Variants in ODAD2 observed in about 807,000 individuals in gnomAD.
The protein encoded by ODAD2 is outer dynein arm-docking complex subunit 2.
In ODAD2, 89 loss-of-function variants were observed where a neutral mutation model predicts 106.8. The observed-to-expected ratio is 0.83, with a 90% CI of 0.70 to 0.99. ODAD2 has a LOEUF of 0.99. Ranked by LOEUF, ODAD2 falls within the 50% of genes least tolerant of loss-of-function variation. The probability of loss-of-function intolerance (pLI) is 0.00; values close to 1 mark genes in which losing one functional copy is unlikely to be tolerated. For synonymous variants in ODAD2, 404 were observed against 436.2 expected (o/e 0.93, Z 0.92); for missense variants, 1,168 against 1,238.5 (o/e 0.94, Z 0.85).
intron 17 of ODAD2, among the ~76,000 whole-genome samples, chr10:27,892,035 T>C (rs1020804430): frequency 6.6e-6 from 1 of 152,088 alleles, no homozygotes; most frequent in Non-Finnish European, 1.5e-5. Flanking sequence ...TCAACTACCC[T>C]TTTTCTCCAA....
At chr10:27,890,683 G>A (rs1231638504) in intron 17 of ODAD2, among the ~76,000 whole-genome samples, 1 of 151,760 alleles carries the variant, frequency 6.6e-6, no homozygotes, top group Non-Finnish European at 1.5e-5. Context: ...TGATTCTTTC[G>A]GCTGTGCTCT....
intron 19 of ODAD2, among the ~76,000 whole-genome samples, chr10:27,825,050 C>A (rs1293391113): frequency 1.3e-5 from 2 of 152,176 alleles, no homozygotes; most frequent in Non-Finnish European, 2.9e-5. Flanking sequence ...TTATTTCCCA[C>A]AGCCTCCCCT....
At position 27,819,019 on chromosome 10, in the gene ODAD2, TG is replaced by T. The variant is rs553368492; in HGVS notation, c.3022-6395del. The stretch of plus-strand genomic sequence containing the variant: ...TATGTGTAAAGGGATCACATACCTC[TG>T]GGGGTCACTGCAAAGATGAATTAAA... On this transcript the variant is annotated intron_variant, in intron 19 of 19. Coordinates refer to ENST00000305242, the MANE Select transcript of ODAD2 (RefSeq NM_018076.5). Among the ~76,000 whole-genome samples the T allele has an allele frequency of 1.3e-4, 20 of 152,322 alleles. No homozygotes were observed. The East Asian group carries it at 3.7e-3, about 28-fold the overall frequency.
At chr10:27,957,589 G>C (rs774713884) in intron 10 of ODAD2, 26 of 152,220 alleles carry the variant, frequency 1.7e-4, no homozygotes, top group Non-Finnish European at 3.1e-4. Context: ...TCACCTATGG[G>C]GGAGAAAAGA....
At chr10:27,902,686 T>C (rs1245342428) in intron 17 of ODAD2, among the ~76,000 whole-genome samples, 1 of 152,004 alleles carries the variant, frequency 6.6e-6, no homozygotes, top group African/African-American at 2.4e-5. Context: ...ACAAATAAAC[T>C]AGAAAATCGA....
At chr10:27,858,086 C>T (rs920468866) in intron 19 of ODAD2, among the ~76,000 whole-genome samples, 7 of 152,184 alleles carry the variant, frequency 4.6e-5, no homozygotes, top group South Asian at 2.1e-4. Flanking sequence ...TTACCTGGCT[C>T]GTGAAATCTT....
At chr10:27,928,547 C>T (rs117806824) in intron 16 of ODAD2, among the ~76,000 whole-genome samples, 1 of 152,068 alleles carries the variant, frequency 6.6e-6, no homozygotes, top group Non-Finnish European at 1.5e-5. Context: ...TGCCTGTTCA[C>T]TTATCTATGA....
intron 18 of ODAD2, 122 bp downstream of exon 18, chr10:27,862,312 C>G: frequency 1.6e-6 from 1 of 639,648 alleles, no homozygotes; most frequent in Non-Finnish European, 2.5e-6. Flanking sequence ...AATCTCATAC[C>G]TCATAAGCAA....
At chr10:27,906,021 T>C (rs572463217) in intron 17 of ODAD2, among the ~76,000 whole-genome samples, 2 of 152,152 alleles carry the variant, frequency 1.3e-5, no homozygotes, top group South Asian at 4.2e-4. Flanking sequence ...ACAAATGGGA[T>C]TGAATTAAAC....
rs1229659637 is a variant in ODAD2 at position 27,985,030 on chromosome 10, T to A, written c.564A>T (p.Lys188Asn). Residue 188 changes from lysine to asparagine, a missense_variant, in exon 4 of 20, where the codon AAA becomes AAT. By Grantham distance (94) the Lys-to-Asn change is moderately conservative. This residue lies in a region of ODAD2 where 430 missense variants were observed against 452.2 expected (regional missense o/e 0.95). Coordinates refer to ENST00000305242, the MANE Select transcript of ODAD2 (RefSeq NM_018076.5). ...LDLHLLNHSL[K>N]HISLEISLSP... Reference sequence around the variant, plus strand: ...TGAAAAAGACTCACAATGAAATATGTTTTAGAGAATGATTGAGGAGGTGCA... The same window carrying A: ...TGAAAAAGACTCACAATGAAATATGATTTAGAGAATGATTGAGGAGGTGCA... 6.2e-7 allele frequency: 1 copy of A among 1,606,622 alleles called. No individual in the cohort carries two copies. Among genetic ancestry groups the A allele is most frequent in the Non-Finnish European group, 8.5e-7 (1 of 1,177,276 alleles).
At chr10:27,954,435 GTGTATCA>G (rs1847578973) in intron 10 of ODAD2, among the ~76,000 whole-genome samples, 1 of 152,206 alleles carries the variant, frequency 6.6e-6, no homozygotes. Flanking sequence ...AGATGGGTAT[GTGTATCA>G]TATCATGCTC....
At chr10:27,864,490 G>A (rs2887206) in intron 17 of ODAD2, among the ~76,000 whole-genome samples, 1,601 of 150,404 alleles carry the variant, frequency 0.011, 32 homozygotes, top group African/African-American at 0.037. Context: ...ATTAGAGAGT[G>A]AGGAGTGAAG....
chr10:27,862,559 A>G lies in ODAD2; in HGVS notation c.2674T>C (p.Ser892Pro), dbSNP rs1290254042. The stretch of plus-strand genomic sequence containing the variant: ...CTTGCCAGAACTTCTTTGTTATCTG[A>G]TTTCAGTAAATTGACAATAAGTTCC... Reference protein sequence around the residue: ...GLELIVNLLKSDNKEVLASVC... With the variant: ...GLELIVNLLKPDNKEVLASVC... Residue 892 changes from serine to proline, a missense_variant, in exon 18 of 20, where the codon TCA (serine) becomes CCA (proline). This residue lies in a region of ODAD2 where 701 missense variants were observed against 712.3 expected (regional missense o/e 0.98). Coordinates refer to ENST00000305242, the MANE Select transcript of ODAD2 (RefSeq NM_018076.5). 2 of 1,611,538 alleles carry G rather than the reference A, an allele frequency of 1.2e-6. No individual in the cohort carries two copies. The highest frequency in any genetic ancestry group is 3.4e-5 in the Admixed American group (2 of 59,548).
intron 16 of ODAD2, among the ~76,000 whole-genome samples, chr10:27,911,322 T>C (rs943912441): frequency 6.6e-6 from 1 of 152,134 alleles, no homozygotes; most frequent in African/African-American, 2.4e-5. Flanking sequence ...TCAAAATGTG[T>C]CCCTGCTCTG....
Position 27,909,643 on chromosome 10 carries a change from T to C in ODAD2, c.2496-1866A>G, listed in dbSNP as rs556741517. Among the ~76,000 whole-genome samples, 10 of 151,832 alleles carry C rather than the reference T, an allele frequency of 6.6e-5. No individual in the cohort carries two copies. The East Asian group carries it at 1.9e-3, about 30-fold the overall frequency. On this transcript the variant is annotated intron_variant, in intron 16 of 19. Coordinates refer to ENST00000305242, the MANE Select transcript of ODAD2 (RefSeq NM_018076.5). ...GACCAGCCTGGCCAATGTGGCTAAA[T>C]CCTGTCTCTACTAAATATACAAAAA...
At chr10:27,998,668 T>C (rs534641792) in intron 1 of ODAD2, among the ~76,000 whole-genome samples, 2 of 151,270 alleles carry the variant, frequency 1.3e-5, no homozygotes, top group African/African-American at 4.9e-5. Flanking sequence ...GGGCGGGTCT[T>C]GGTCCCCGGG....
At chr10:27,867,704 C>T (rs1840545199) in intron 17 of ODAD2, among the ~76,000 whole-genome samples, 1 of 152,138 alleles carries the variant, frequency 6.6e-6, no homozygotes. Context: ...AATCTCAGCA[C>T]TTTGGAAGGC....
At chr10:27,987,118 AACC>A (rs1038618335) in intron 3 of ODAD2, among the ~76,000 whole-genome samples, 3 of 152,246 alleles carry the variant, frequency 2.0e-5, no homozygotes, top group African/African-American at 7.2e-5. Context: ...TTCTCTTTCA[AACC>A]ACATGCTAAA....
intron 7 of ODAD2, among the ~76,000 whole-genome samples, chr10:27,975,184 T>G (rs1001331616): frequency 6.6e-6 from 1 of 152,192 alleles, no homozygotes; most frequent in African/African-American, 2.4e-5. Flanking sequence ...AAGTAAAACA[T>G]TATTCACAAC....
Sources: allele counts gnomAD v4.1 joint callset (sites outside exome capture counted in the v4.1 genomes callset), GRCh38; gene constraint gnomAD v4.1.1; regional missense constraint gnomAD v4.1.1; transcripts MANE v1.5; gene names NCBI Gene and HGNC (gene_info 2026-07-23, HGNC 2026-07-21).